Variants in KCNMA1 observed in about 807,000 individuals in gnomAD.
The protein encoded by KCNMA1 is potassium calcium-activated channel subfamily M alpha 1.
KCNMA1 carries 29 observed loss-of-function variants against 140.0 expected under a neutral mutation model. The ratio of observed to expected loss-of-function variants is 0.21; its 90% CI spans 0.15 to 0.28. KCNMA1 has a LOEUF of 0.28. KCNMA1 is among the 10% of genes least tolerant of loss of function. The pLI, the probability that KCNMA1 is intolerant of heterozygous loss-of-function variation, is 1.00. For synonymous variants in KCNMA1, 612 were observed against 611.9 expected (o/e 1.00, Z 0.00); for missense variants, 880 against 1,602.2 (o/e 0.55, Z 7.70).
intron 16 of KCNMA1, among the ~76,000 whole-genome samples, chr10:77,025,138 C>T (rs1391079754): frequency 2.0e-5 from 3 of 150,638 alleles, no homozygotes; most frequent in Non-Finnish European, 3.0e-5. Flanking sequence ...TCTTAGGTTT[C>T]CTGCAAAGAA....
exon 28 of KCNMA1, chr10:76,872,105 T>C (rs1423974802): frequency 1.3e-5 from 2 of 152,226 alleles, no homozygotes; most frequent in African/African-American, 2.4e-5. Flanking sequence ...TCCTGCCTCA[T>C]GTTCTTATTA....
At chr10:77,630,069 G>T (rs567189922) in intron 1 of KCNMA1, among the ~76,000 whole-genome samples, 1 of 152,146 alleles carries the variant, frequency 6.6e-6, no homozygotes, top group African/African-American at 2.4e-5. Flanking sequence ...ACGGTGCCAC[G>T]CGTGTCCCCC....
intron 8 of KCNMA1, 146 bp downstream of exon 8, chr10:77,110,027 G>A (rs980430080): frequency 3.3e-5 from 25 of 746,822 alleles, no homozygotes; most frequent in East Asian, 5.3e-5. Context: ...AGTCACCATC[G>A]TGTTTGGATT....
At chr10:77,289,669 GT>G (rs2072460861) in intron 2 of KCNMA1, among the ~76,000 whole-genome samples, 1 of 152,242 alleles carries the variant, frequency 6.6e-6, no homozygotes, top group Non-Finnish European at 1.5e-5. Flanking sequence ...CTTTTGTTTT[GT>G]TTTGTTTTAA....
At chr10:77,553,834 T>C (rs553859514) in intron 1 of KCNMA1, among the ~76,000 whole-genome samples, 5 of 141,620 alleles carry the variant, frequency 3.5e-5, no homozygotes, top group South Asian at 4.3e-4. Flanking sequence ...AGCTTCCCCA[T>C]TGGCTAGTAA....
intron 2 of KCNMA1, among the ~76,000 whole-genome samples, chr10:77,274,880 G>A: frequency 6.6e-6 from 1 of 152,224 alleles, no homozygotes; most frequent in East Asian, 1.9e-4. Context: ...CTCATGGTGA[G>A]TTTTGTGGGG....
chr10:77,128,925 C>T (rs1260100148), intron 5 of KCNMA1, among the ~76,000 whole-genome samples: 2 of 152,162 alleles, frequency 1.3e-5, no homozygotes, highest in African/African-American at 4.8e-5. Context: ...AAGCTATCGT[C>T]AATGCTGTTG....
chr10:77,121,947 C>T (rs2097608962), intron 5 of KCNMA1, among the ~76,000 whole-genome samples: 3 of 152,156 alleles, frequency 2.0e-5, no homozygotes, highest in Admixed American at 2.0e-4. Context: ...AATGTCACAC[C>T]CACTCCCAAG....
At chr10:77,524,876 C>G (rs1045282884) in intron 1 of KCNMA1, among the ~76,000 whole-genome samples, 1 of 152,120 alleles carries the variant, frequency 6.6e-6, no homozygotes, top group African/African-American at 2.4e-5. Flanking sequence ...TGAGCCCATC[C>G]ACTTCCTCTA....
chr10:76,915,098 T>A, intron 23 of KCNMA1, 49 bp from the exon 24 acceptor site: 1 of 1,404,472 alleles, frequency 7.1e-7, no homozygotes, highest in Non-Finnish European at 1.0e-6. Context: ...AAGTAGAAAA[T>A]TTGGAAATAA....
chr10:77,497,281 A>G (rs1300365779), intron 1 of KCNMA1, among the ~76,000 whole-genome samples: 3 of 152,258 alleles, frequency 2.0e-5, no homozygotes, highest in African/African-American at 7.2e-5. Flanking sequence ...GGCCATTTGC[A>G]TAACATATTG....
intron 1 of KCNMA1, among the ~76,000 whole-genome samples, chr10:77,483,239 A>C (rs1292124981): frequency 6.6e-6 from 1 of 152,030 alleles, no homozygotes; most frequent in East Asian, 1.9e-4. Context: ...CATATCAGAA[A>C]TCTCTCTGCT....
intron 2 of KCNMA1, among the ~76,000 whole-genome samples, chr10:77,343,920 A>C (rs149939391): frequency 5.1e-4 from 77 of 152,342 alleles, no homozygotes; most frequent in African/African-American, 1.8e-3. Context: ...TTAGAGACCT[A>C]TGAAGACAAA....
At chr10:77,206,204 CAATT>C (rs1480540657) in intron 3 of KCNMA1, among the ~76,000 whole-genome samples, 3 of 152,052 alleles carry the variant, frequency 2.0e-5, no homozygotes, top group African/African-American at 7.2e-5. Flanking sequence ...AGTGCTAAGA[CAATT>C]AAATTAATAC....
chr10:76,911,616 A>G (rs1198915208), intron 24 of KCNMA1: 2 of 152,228 alleles, frequency 1.3e-5, no homozygotes, highest in Admixed American at 6.5e-5. Context: ...GGATCATGCC[A>G]TGACTTGATA....
In KCNMA1 at chr10:77,001,471, G is replaced by A. The variant is rs1274971087; in HGVS notation, c.2202C>T (p.Thr734=). The change falls in exon 19 of 28, where the codon ACC becomes ACT. Residue 734 remains threonine, a synonymous_variant. Transcript: ENST00000286628. ...MSGRVRGNVD[T]LERAFPLSSV... is the part of the protein sequence containing the mutation. ...AAGAAAGTGGGAAGGCTCTCTCAAG[G>A]GTGTCCACGTTACCACGCACACGGC... 3.9e-6 allele frequency: 6 copies of A among 1,551,742 alleles called. No homozygotes were observed. The African/African-American group carries it at 8.2e-5, about 21-fold the overall frequency.
chr10:76,927,569 G>A (rs1344676152), intron 23 of KCNMA1, among the ~76,000 whole-genome samples: 1 of 152,118 alleles, frequency 6.6e-6, no homozygotes. Context: ...TAAAGTAAGC[G>A]ATTAGCAGCA....
chr10:77,216,330 T>C (rs1282520762), intron 3 of KCNMA1, among the ~76,000 whole-genome samples: 1 of 152,014 alleles, frequency 6.6e-6, no homozygotes, highest in Admixed American at 6.6e-5. Flanking sequence ...AATTCTATGG[T>C]ATATAAAACA....
At chr10:77,288,990 T>C (rs1426711839) in intron 2 of KCNMA1, among the ~76,000 whole-genome samples, 1 of 152,210 alleles carries the variant, frequency 6.6e-6, no homozygotes, top group Non-Finnish European at 1.5e-5. Context: ...TATGATTCCT[T>C]GGTGCTATGA....
Sources: allele counts gnomAD v4.1 joint callset (sites outside exome capture counted in the v4.1 genomes callset), GRCh38; gene constraint gnomAD v4.1.1; transcripts MANE v1.5; gene names NCBI Gene and HGNC (gene_info 2026-07-23, HGNC 2026-07-21).